ZBTB34: variants seen among roughly 807,000 people sequenced by gnomAD.
ZBTB34 encodes the protein zinc finger and BTB domain containing 34, also known as zinc finger and BTB domain-containing protein 34.
A neutral mutation model predicts 33.4 loss-of-function variants in ZBTB34; 1 was observed. The ratio of observed to expected loss-of-function variants is 0.03; its 90% CI spans 0.01 to 0.14. The LOEUF (loss-of-function observed/expected upper bound fraction) is 0.14. Ranked by LOEUF, ZBTB34 falls within the 10% of genes least tolerant of loss-of-function variation. The pLI, the probability that ZBTB34 is intolerant of heterozygous loss-of-function variation, is 1.00. For missense variants in ZBTB34, 406 were observed against 657.2 expected (o/e 0.62, Z 4.18); for synonymous variants, 283 against 253.5 (o/e 1.12, Z -1.11).
chr9:126,880,028 G>A lies in ZBTB34; in HGVS notation c.629G>A (p.Gly210Glu). 6 of 1,613,674 alleles carry A rather than the reference G, an allele frequency of 3.7e-6. No individual in the cohort carries two copies. Among genetic ancestry groups the A allele is most frequent in the Non-Finnish European group, 5.1e-6 (6 of 1,179,888 alleles). The change falls in exon 2 of 2, where the codon GGG (glycine) becomes GAG (glutamate). Residue 210 changes from glycine to glutamate, a missense_variant. Coordinates refer to ENST00000319119, the Ensembl canonical transcript of ZBTB34. The surrounding 1 kb of genome is among the most constrained non-coding windows in gnomAD (Gnocchi z 6.7). ...GGGCACTCAGACCGCGGGAGCAGTG[G>A]GAGCGTTTCTGAATATGAGATTCAG...
At chr9:126,862,677 G>C (rs1468460634) in intron 1 of ZBTB34, among the ~76,000 whole-genome samples, 1 of 152,146 alleles carries the variant, frequency 6.6e-6, no homozygotes, top group East Asian at 1.9e-4. Flanking sequence ...TCCAGAGGGT[G>C]TTCCCTGACT....
intron 1 of ZBTB34, among the ~76,000 whole-genome samples, chr9:126,863,348 A>G (rs2033164475): frequency 6.6e-6 from 1 of 152,188 alleles, no homozygotes; most frequent in Non-Finnish European, 1.5e-5. Context: ...TGTTATTGTC[A>G]TTATTGGGTG....
upstream of ZBTB34, chr9:126,860,641 G>A (rs2033128957): frequency 1.3e-5 from 2 of 148,772 alleles, no homozygotes; most frequent in Non-Finnish European, 1.5e-5. Context: ...CGGGGGGCGC[G>A]GGCTGGGGCG....
chr9:126,867,645 T>G (rs2033225137), intron 1 of ZBTB34, among the ~76,000 whole-genome samples: 1 of 152,180 alleles, frequency 6.6e-6, no homozygotes, highest in South Asian at 2.1e-4. Context: ...TGTCATGTAC[T>G]TTTACGTTGT....
intron 1 of ZBTB34, among the ~76,000 whole-genome samples, chr9:126,875,488 CTT>C (rs1213339500): frequency 6.6e-6 from 1 of 152,100 alleles, no homozygotes; most frequent in Non-Finnish European, 1.5e-5. Context: ...TGTTCTCTCT[CTT>C]CATTTATACA....
At position 126,880,109 on chromosome 9, in the gene ZBTB34, A is replaced by T. The variant is rs544150173; in HGVS notation, c.710A>T (p.Glu237Val). 6.2e-7 allele frequency: 1 copy of T among 1,613,676 alleles called. No individual in the cohort carries two copies. Among genetic ancestry groups the T allele is most frequent in the African/African-American group, 1.3e-5 (1 of 75,028 alleles). ...TTGGTGAGGGAGAGCCAGATCACCG[A>T]GGTGAAAGTGAAGATGGAGAAGTCC... Residue 237 changes from glutamate (E) to valine (V), a missense_variant, in exon 2 of 2, where the codon GAG becomes GTG. Physicochemically the swap from Glu to Val is moderately radical, Grantham distance 121 (BLOSUM62 -2). Around this residue, in one of 6 missense-constraint regions of ZBTB34, gnomAD observed 137 missense variants for 173.0 expected, o/e 0.79. Transcript: ENST00000319119. This position sits in a 1 kb window ranked among gnomAD's most constrained non-coding sequence, Gnocchi z 6.7.
At chr9:126,865,998 A>G (rs748936238) in intron 1 of ZBTB34, among the ~76,000 whole-genome samples, 34 of 152,132 alleles carry the variant, frequency 2.2e-4, no homozygotes, top group Admixed American at 4.6e-4. Flanking sequence ...CAAAACAAAA[A>G]CAAAACTAGT....
At chr9:126,870,418 ATAATT>A (rs1296214334) in intron 1 of ZBTB34, among the ~76,000 whole-genome samples, 4 of 152,224 alleles carry the variant, frequency 2.6e-5, no homozygotes. Context: ...TGTAGGAAAA[ATAATT>A]TAAATTCCCA....
At position 126,874,036 on chromosome 9, in the gene ZBTB34, CTTTTTTTTTTTT is replaced by C. The variant is rs781115278; in HGVS notation, c.-10-5340_-10-5329del. Among the ~76,000 whole-genome samples the C allele has an allele frequency of 2.0e-3, 132 of 66,076 alleles. 2 individuals are homozygous for C. The highest frequency in any genetic ancestry group is 7.6e-3 in the African/African-American group (122 of 16,088). The allele number at this position is 66,076 out of a possible 152,430, so 43.3% of individuals were successfully genotyped here. A position where few individuals can be genotyped will look rare whatever the true frequency, so the allele number is the denominator to read the frequency against. ...TGTGAGAGACTCTGCTGTGTATGTT[CTTTTTTTTTTTT>C]TTTTTTTTTTTTTGAGACAGAGTCT... On this transcript the variant is annotated intron_variant, in intron 1 of 1. Coordinates refer to ENST00000319119, the Ensembl canonical transcript of ZBTB34.
intron 1 of ZBTB34, among the ~76,000 whole-genome samples, chr9:126,874,467 C>G (rs2033328204): frequency 6.6e-6 from 1 of 152,218 alleles, no homozygotes; most frequent in East Asian, 1.9e-4. Flanking sequence ...TCTGTAGTTA[C>G]TACGTTTGTT....
chr9:126,876,160 GTCCTTCCC>G (rs2033354640), intron 1 of ZBTB34, among the ~76,000 whole-genome samples: 1 of 14,052 alleles, frequency 7.1e-5, no homozygotes, highest in Non-Finnish European at 1.4e-4. Context: ...TTTCCCTTCC[GTCCTTCCC>G]CCCTTCCCCC....
Position 126,880,224 on chromosome 9 carries a change from T to C in ZBTB34, c.825T>C (p.Asn275=). The change falls in exon 2 of 2, where the codon AAT becomes AAC. Residue 275 remains asparagine, a synonymous_variant. Coordinates refer to ENST00000319119, the Ensembl canonical transcript of ZBTB34. This position sits in a 1 kb window ranked among gnomAD's most constrained non-coding sequence, Gnocchi z 6.7. ...ATGGGGAACAAGTTGTGGCAGTGAA[T>C]GTGGGCTCCTATGGTTCTGTGCTCC... 4.3e-6 allele frequency: 7 copies of C among 1,613,610 alleles called. No individual in the cohort carries two copies. Among genetic ancestry groups the C allele is most frequent in the Non-Finnish European group, 5.9e-6 (7 of 1,179,860 alleles).
chr9:126,883,438 T>G (rs1276857229), exon 2 of ZBTB34: 2 of 167,124 alleles, frequency 1.2e-5, no homozygotes, highest in Non-Finnish European at 1.5e-5. Flanking sequence ...CGTCTTAACC[T>G]TATTTACATG....
chr9:126,872,317 A>G (rs554576790), intron 1 of ZBTB34, among the ~76,000 whole-genome samples: 4 of 152,268 alleles, frequency 2.6e-5, no homozygotes, highest in Admixed American at 2.0e-4. Context: ...AGCTATAGCT[A>G]TAGGGAGGAT....
chr9:126,882,583 G>C (rs922004517), exon 2 of ZBTB34: 2 of 167,118 alleles, frequency 1.2e-5, no homozygotes, highest in East Asian at 3.9e-4. Flanking sequence ...GGCTGCCTGT[G>C]GGATGTCAGC....
Position 126,880,752 on chromosome 9 carries a change from G to A in ZBTB34, c.1353G>A (p.Leu451=), listed in dbSNP as rs753480744. Reference sequence around the variant, plus strand: ...TCCAAGGTACCCTCAACCAGCACTTGCGGAAAAACCACCCAGGCGTTGCTG... The same window carrying A: ...TCCAAGGTACCCTCAACCAGCACTTACGGAAAAACCACCCAGGCGTTGCTG... The change falls in exon 2 of 2, where the codon TTG becomes TTA. Residue 451 remains leucine, a synonymous_variant. Transcript: ENST00000319119. The surrounding 1 kb of genome is among the most constrained non-coding windows in gnomAD (Gnocchi z 6.7). 1 of 1,613,670 alleles carries A rather than the reference G, an allele frequency of 6.2e-7. No individual in the cohort carries two copies. Among genetic ancestry groups the A allele is most frequent in the African/African-American group, 1.3e-5 (1 of 74,900 alleles).
intron 1 of ZBTB34, among the ~76,000 whole-genome samples, chr9:126,865,502 C>T (rs1440455611): frequency 1.3e-5 from 2 of 152,214 alleles, no homozygotes; most frequent in Admixed American, 1.3e-4. Flanking sequence ...AAGGCTTTAT[C>T]CAAGAAAGTT....
At chr9:126,877,497 T>C (rs1009851410) in intron 1 of ZBTB34, among the ~76,000 whole-genome samples, 3 of 152,178 alleles carry the variant, frequency 2.0e-5, no homozygotes, top group African/African-American at 4.8e-5. Flanking sequence ...TAAAATATAA[T>C]TGTTAGATCT....
At chr9:126,878,742 T>A (rs1442354803) in intron 1 of ZBTB34, among the ~76,000 whole-genome samples, 3 of 151,382 alleles carry the variant, frequency 2.0e-5, no homozygotes, top group Non-Finnish European at 4.4e-5. Context: ...TTTTTTTTTT[T>A]AGAAGGAGTC....
Sources: allele counts gnomAD v4.1 joint callset (sites outside exome capture counted in the v4.1 genomes callset), GRCh38; gene constraint gnomAD v4.1.1; regional missense constraint gnomAD v4.1.1; non-coding constraint Gnocchi (gnomAD v3.1); transcripts MANE v1.5; gene names NCBI Gene and HGNC (gene_info 2026-07-23, HGNC 2026-07-21).